Variants in ITGB1 observed in about 807,000 individuals in gnomAD.
ITGB1 encodes integrin subunit beta 1.
In ITGB1, 24 loss-of-function variants were observed where a neutral mutation model predicts 86.5. That is an observed-to-expected ratio of 0.28 (90% CI 0.20 to 0.39). The LOEUF (loss-of-function observed/expected upper bound fraction) is 0.39. Ranked by LOEUF, ITGB1 falls within the 10% of genes least tolerant of loss-of-function variation. The pLI, the probability that ITGB1 is intolerant of heterozygous loss-of-function variation, is 1.00. For missense variants in ITGB1, 556 were observed against 946.9 expected, an observed-to-expected ratio of 0.59 and a Z score of 5.42; for synonymous variants, 323 against 316.8, an observed-to-expected ratio of 1.02 and a Z score of -0.21.
chr10:32,932,541 G>C lies in ITGB1; in HGVS notation c.127C>G (p.Pro43Ala). 1 of 1,609,254 alleles carries C rather than the reference G, an allele frequency of 6.2e-7. No homozygotes were observed. Among genetic ancestry groups the C allele is most frequent in the Non-Finnish European group, 8.5e-7 (1 of 1,175,846 alleles). The change falls in exon 3 of 16, where the codon CCA becomes GCA. Residue 43 changes from proline (P) to alanine (A), a missense_variant. Pro to Ala is a conservative substitution (Grantham distance 27). This residue lies in a region of ITGB1 where 183 missense variants were observed against 263.9 expected (regional missense o/e 0.69). Coordinates refer to ENST00000302278, the MANE Select transcript of ITGB1 (RefSeq NM_002211.4). ...GAATTTGTGCACCACCCACAATTTG[G>C]CCCTGCTTGTATACATTCTCCACAT... is the stretch of plus-strand genomic sequence containing the variant. ...KSCGECIQAG[P>A]NCGWCTNSTF...
At chr10:32,938,861 C>G (rs1429566738) in intron 1 of ITGB1, among the ~76,000 whole-genome samples, 1 of 152,102 alleles carries the variant, frequency 6.6e-6, no homozygotes, top group African/African-American at 2.4e-5. Flanking sequence ...GACCAGGGGG[C>G]GGAGAGGAGA....
intron 1 of ITGB1, chr10:32,944,378 G>A (rs1013652754): frequency 7.2e-5 from 17 of 235,574 alleles, no homozygotes; most frequent in African/African-American, 2.1e-4. Context: ...CGGGTGCGGC[G>A]TGGGCCTTGG....
intron 15 of ITGB1, among the ~76,000 whole-genome samples, chr10:32,903,351 C>CAAACAAAAAAAAAAAAAAA (rs1555218828): frequency 1.8e-5 from 1 of 57,042 alleles, no homozygotes; most frequent in African/African-American, 6.8e-5. Context: ...GACTCCATCT[C>CAAACAAAAAAAAAAAAAAA]AAAAAAAAAA....
chr10:32,932,793 G>C (rs2094988092), intron 2 of ITGB1, 193 bp from the exon 3 acceptor site: 2 of 484,244 alleles, frequency 4.1e-6, no homozygotes, highest in Non-Finnish European at 3.8e-6. Context: ...TGGGTAAATA[G>C]GTGTATACAT....
chr10:32,948,971 G>GAAA (rs71299726), intron 1 of ITGB1, among the ~76,000 whole-genome samples: 1 of 121,384 alleles, frequency 8.2e-6, no homozygotes, highest in Non-Finnish European at 1.8e-5. Flanking sequence ...GTGGATTACT[G>GAAA]AAAAAAAAAA....
chr10:32,944,667 C>CA, intron 1 of ITGB1: 1 of 643,248 alleles, frequency 1.6e-6, no homozygotes, highest in Non-Finnish European at 3.0e-6. Context: ...TTTCCATGGA[C>CA]ACTTCCACAG....
chr10:32,946,315 A>C (rs2095031188), intron 1 of ITGB1, among the ~76,000 whole-genome samples: 1 of 152,240 alleles, frequency 6.6e-6, no homozygotes, highest in South Asian at 2.1e-4. Context: ...ATTCGTAAAC[A>C]AGGTGTGCCA....
At chr10:32,924,858 T>C (rs745470647) in intron 6 of ITGB1, among the ~76,000 whole-genome samples, 5 of 152,206 alleles carry the variant, frequency 3.3e-5, no homozygotes, top group Non-Finnish European at 7.3e-5. Context: ...TGGTACTTTA[T>C]AGAGATTGAT....
rs564859768 is a variant in ITGB1 at position 32,914,180 on chromosome 10, G to C, written c.1470-2056C>G. Among the ~76,000 whole-genome samples the C allele has an allele frequency of 1.4e-3, 210 of 152,258 alleles. 1 individual carries two copies. The highest frequency in any genetic ancestry group is 4.8e-3 in the African/African-American group (199 of 41,544). On this transcript the variant is annotated intron_variant, in intron 11 of 15. Transcript: ENST00000302278. ...CTGAAGGAAGCACTAAACATGGAAAGGAACAACTGGTACCAGCCACTGCAA... is the reference window on the plus strand; with the variant it reads ...CTGAAGGAAGCACTAAACATGGAAACGAACAACTGGTACCAGCCACTGCAA...
chr10:32,923,834 A>C lies in ITGB1; in HGVS notation c.787-94T>G, dbSNP rs575126585. On this transcript the variant is annotated intron_variant, in intron 6 of 15. Coordinates refer to ENST00000302278, the MANE Select transcript of ITGB1 (RefSeq NM_002211.4). Reference sequence around the variant, plus strand: ...CATATAGGCCACCATTGTATTTTTAACCTAATTCTGTATTTTCTGTGTCTT... The same window carrying C: ...CATATAGGCCACCATTGTATTTTTACCCTAATTCTGTATTTTCTGTGTCTT... The C allele has an allele frequency of 2.1e-5, 22 of 1,027,484 alleles. No homozygotes were observed. The South Asian group carries it at 3.7e-4, about 17-fold the overall frequency. 63.6% of individuals were successfully genotyped at this position (1,027,484 alleles called of 1,614,324 possible). A position where few individuals can be genotyped will look rare whatever the true frequency, so the allele number is the denominator to read the frequency against.
intron 15 of ITGB1, among the ~76,000 whole-genome samples, chr10:32,907,854 A>G (rs1344643701): frequency 6.6e-6 from 1 of 152,152 alleles, no homozygotes; most frequent in Non-Finnish European, 1.5e-5. Context: ...AATAATAATA[A>G]TAATTACAAT....
At chr10:32,949,690 A>C (rs2095038967) in intron 1 of ITGB1, among the ~76,000 whole-genome samples, 1 of 152,174 alleles carries the variant, frequency 6.6e-6, no homozygotes, top group South Asian at 2.1e-4. Flanking sequence ...AAATATGTGC[A>C]ATTGTTTCCA....
At chr10:32,943,157 CA>C (rs2095022974) in intron 1 of ITGB1, among the ~76,000 whole-genome samples, 1 of 152,120 alleles carries the variant, frequency 6.6e-6, no homozygotes, top group African/African-American at 2.4e-5. Flanking sequence ...TATAGACATC[CA>C]AGTGACAACT....
intron 1 of ITGB1, among the ~76,000 whole-genome samples, chr10:32,944,325 C>T (rs951604687): frequency 1.3e-5 from 2 of 152,220 alleles, no homozygotes; most frequent in African/African-American, 2.4e-5. Context: ...TGGGCCTGGG[C>T]GGCAGAGAAG....
At chr10:32,909,181 G>A (rs1156421144) in intron 14 of ITGB1, among the ~76,000 whole-genome samples, 1 of 152,130 alleles carries the variant, frequency 6.6e-6, no homozygotes, top group African/African-American at 2.4e-5. Context: ...TCAGATACAT[G>A]GAACAGAATA....
At chr10:32,908,101 T>A (rs1047768243) in intron 15 of ITGB1, among the ~76,000 whole-genome samples, 1 of 152,196 alleles carries the variant, frequency 6.6e-6, no homozygotes, top group East Asian at 1.9e-4. Context: ...AAAAGGCAGA[T>A]TTAGGATCAA....
chr10:32,920,534 C>A (rs1593864681), intron 9 of ITGB1, 149 bp from the exon 10 acceptor site: 2 of 630,766 alleles, frequency 3.2e-6, no homozygotes, highest in Non-Finnish European at 5.5e-6. Flanking sequence ...AACACAGAGG[C>A]CAGAGAAACA....
chr10:32,912,321 T>G (rs2094915952), intron 11 of ITGB1, among the ~76,000 whole-genome samples, 197 bp from the exon 12 acceptor site: 1 of 151,936 alleles, frequency 6.6e-6, no homozygotes, highest in Non-Finnish European at 1.5e-5. Context: ...GCCCATGGAG[T>G]GTGAGCCGAA....
At chr10:32,939,470 G>A (rs2095012575) in intron 1 of ITGB1, among the ~76,000 whole-genome samples, 1 of 152,198 alleles carries the variant, frequency 6.6e-6, no homozygotes, top group African/African-American at 2.4e-5. Flanking sequence ...CCGAGATGGT[G>A]TGGCCTCCTA....
Sources: gnomAD v4.1 joint callset for allele counts (sites outside exome capture counted in the v4.1 genomes callset) on GRCh38, gnomAD v4.1.1 for gene constraint, gnomAD v4.1.1 regional missense constraint, MANE v1.5 for transcripts, NCBI Gene and HGNC (gene_info 2026-07-23, HGNC 2026-07-21) for gene names.